Variants in KCNB2 observed in about 807,000 individuals in gnomAD.
KCNB2 encodes the protein potassium voltage-gated channel subfamily B member 2.
A neutral mutation model predicts 61.5 loss-of-function variants in KCNB2; 15 were observed. That is an observed-to-expected ratio of 0.24 (90% confidence interval 0.16 to 0.38). The LOEUF is 0.38. Ranked by LOEUF, KCNB2 falls within the 10% of genes least tolerant of loss-of-function variation. The probability of loss-of-function intolerance (pLI) is 1.00; values close to 1 mark genes in which losing one functional copy is unlikely to be tolerated. For missense variants in KCNB2, 828 were observed against 1,125.2 expected, an observed-to-expected ratio of 0.74 and a Z score of 3.78; for synonymous variants, 457 against 446.0, an observed-to-expected ratio of 1.02 and a Z score of -0.31.
chr8:72,929,498 C>T (rs561868346), intron 2 of KCNB2, among the ~76,000 whole-genome samples: 19 of 152,240 alleles, frequency 1.2e-4, no homozygotes, highest in Middle Eastern at 6.8e-3. Context: ...CTAGAACATA[C>T]GCAGCGCAAT....
chr8:72,796,147 T>C (rs1241420120), intron 2 of KCNB2, among the ~76,000 whole-genome samples: 1 of 152,194 alleles, frequency 6.6e-6, no homozygotes, highest in Non-Finnish European at 1.5e-5. Flanking sequence ...CCATGATCTC[T>C]TGTATCACCA....
intron 2 of KCNB2, among the ~76,000 whole-genome samples, chr8:72,852,319 T>C (rs1441628819): frequency 6.6e-6 from 1 of 152,178 alleles, no homozygotes; most frequent in African/African-American, 2.4e-5. Flanking sequence ...ATATAACTTT[T>C]AGAAACAATA....
chr8:72,864,328 C>A (rs1805476941), intron 2 of KCNB2, among the ~76,000 whole-genome samples: 1 of 152,124 alleles, frequency 6.6e-6, no homozygotes, highest in Non-Finnish European at 1.5e-5. Context: ...AGGAAAATAT[C>A]CACTAAATAG....
rs555670443 is a variant in KCNB2 at position 72,560,385 on chromosome 8, G to A, written c.-93-7257G>A. 7.0e-4 allele frequency among the ~76,000 whole-genome samples: 106 copies of A among 152,286 alleles called. No homozygotes were observed. In the South Asian group the frequency reaches 9.3e-3, roughly 13 times the overall value. On this transcript the variant is annotated intron_variant, in intron 1 of 2. Coordinates refer to ENST00000523207, the MANE Select transcript of KCNB2 (RefSeq NM_004770.3). ...AACTTATGTCATTCACCCAAATAGT[G>A]GATTGTGTCATTCACGTGGAATCAG... is the stretch of plus-strand genomic sequence containing the variant.
At chr8:72,865,676 T>C (rs138221292) in intron 2 of KCNB2, among the ~76,000 whole-genome samples, 42 of 152,316 alleles carry the variant, frequency 2.8e-4, no homozygotes, top group African/African-American at 1.0e-3. Flanking sequence ...AGCTTTTGAC[T>C]TTCAGAGTTG....
At chr8:72,704,917 G>T (rs929617590) in intron 2 of KCNB2, among the ~76,000 whole-genome samples, 4 of 151,898 alleles carry the variant, frequency 2.6e-5, no homozygotes, top group Non-Finnish European at 4.4e-5. Flanking sequence ...CAATGTAAAT[G>T]TTATGTAAAC....
At chr8:72,602,010 CT>C (rs1487600379) in intron 2 of KCNB2, among the ~76,000 whole-genome samples, 3 of 152,152 alleles carry the variant, frequency 2.0e-5, no homozygotes, top group Non-Finnish European at 4.4e-5. Flanking sequence ...GCTTATGCTT[CT>C]CTAGACACGT....
At chr8:72,568,715 A>G (rs1806665237) in intron 2 of KCNB2, among the ~76,000 whole-genome samples, 1 of 152,154 alleles carries the variant, frequency 6.6e-6, no homozygotes, top group East Asian at 1.9e-4. Context: ...CACTGGAAGG[A>G]GAGGAGGTAC....
At chr8:72,604,273 A>G (rs531459980) in intron 2 of KCNB2, among the ~76,000 whole-genome samples, 19 of 152,212 alleles carry the variant, frequency 1.2e-4, no homozygotes, top group Non-Finnish European at 2.6e-4. Flanking sequence ...TGAATGCTCC[A>G]TCTATAATCT....
At position 72,937,418 on chromosome 8, in the gene KCNB2, A is replaced by G. The variant is rs148879809; in HGVS notation, c.2063A>G (p.His688Arg). ...LDASGSQCGL[H>R]SPLQSDNATD... ...GCCAGTGGCTCCCAGTGTGGGCTACATAGTCCTTTGCAGTCTGACAATGCC... is the reference window on the plus strand; with the variant it reads ...GCCAGTGGCTCCCAGTGTGGGCTACGTAGTCCTTTGCAGTCTGACAATGCC... Residue 688 changes from histidine (H) to arginine (R), a missense_variant, in exon 3 of 3, where the codon CAT (histidine) becomes CGT (arginine). Physicochemically the swap from His to Arg is conservative, Grantham distance 29. Coordinates refer to ENST00000523207, the MANE Select transcript of KCNB2 (RefSeq NM_004770.3). The G allele has an allele frequency of 3.3e-3, 5,321 of 1,613,996 alleles. 69 individuals are homozygous for G. The highest frequency in any genetic ancestry group is 0.031 in the South Asian group (2,779 of 91,070).
At chr8:72,552,599 C>A (rs1167900620) in intron 1 of KCNB2, among the ~76,000 whole-genome samples, 1 of 152,188 alleles carries the variant, frequency 6.6e-6, no homozygotes, top group African/African-American at 2.4e-5. Context: ...TCATTTACAA[C>A]CAGTGTTGGC....
At chr8:72,807,127 C>G (rs1216342593) in intron 2 of KCNB2, among the ~76,000 whole-genome samples, 1 of 152,132 alleles carries the variant, frequency 6.6e-6, no homozygotes, top group Non-Finnish European at 1.5e-5. Flanking sequence ...GGATTTTTAA[C>G]AAAACTACCA....
At chr8:72,914,975 G>C (rs1271053228) in intron 2 of KCNB2, among the ~76,000 whole-genome samples, 1 of 151,544 alleles carries the variant, frequency 6.6e-6, no homozygotes, top group Admixed American at 6.6e-5. Flanking sequence ...CAGGATCTTG[G>C]CTCACTACAA....
At chr8:72,569,494 C>T (rs1236838390) in intron 2 of KCNB2, among the ~76,000 whole-genome samples, 1 of 152,152 alleles carries the variant, frequency 6.6e-6, no homozygotes, top group African/African-American at 2.4e-5. Context: ...AGGCATTTTA[C>T]TTTCCAGCCA....
chr8:72,562,325 T>C (rs1296450785), intron 1 of KCNB2, among the ~76,000 whole-genome samples: 5 of 152,138 alleles, frequency 3.3e-5, no homozygotes, highest in African/African-American at 1.2e-4. Context: ...TAGGATGCCA[T>C]GATGAGAAAG....
chr8:72,671,547 G>C (rs1383467333), intron 2 of KCNB2, among the ~76,000 whole-genome samples: 1 of 152,124 alleles, frequency 6.6e-6, no homozygotes, highest in Non-Finnish European at 1.5e-5. Flanking sequence ...ATTATGATAA[G>C]AAAAATTCCA....
At chr8:72,816,364 A>C (rs541504307) in intron 2 of KCNB2, among the ~76,000 whole-genome samples, 129 of 152,336 alleles carry the variant, frequency 8.5e-4, no homozygotes, top group African/African-American at 3.1e-3. Flanking sequence ...CAGTTGAAGC[A>C]AGGCTGAGGG....
At chr8:72,656,950 C>A (rs1822062) in intron 2 of KCNB2, among the ~76,000 whole-genome samples, 124,189 of 152,052 alleles carry the variant, frequency 0.82, 50,961 homozygotes, top group East Asian at 0.95. Flanking sequence ...GTCCATAAAC[C>A]CATATGTGGG....
chr8:72,848,959 T>C (rs1563403585), intron 2 of KCNB2, among the ~76,000 whole-genome samples: 1 of 151,216 alleles, frequency 6.6e-6, no homozygotes, highest in Non-Finnish European at 1.5e-5. Context: ...TTACACTTTT[T>C]AAACTTTTAT....
Sources: allele counts gnomAD v4.1 joint callset (sites outside exome capture counted in the v4.1 genomes callset), GRCh38; gene constraint gnomAD v4.1.1; transcripts MANE v1.5; gene names NCBI Gene and HGNC (gene_info 2026-07-23, HGNC 2026-07-21).